Variants in TMEM131L observed in about 807,000 individuals in gnomAD.
The protein encoded by TMEM131L is transmembrane 131 like.
TMEM131L carries 54 observed loss-of-function variants against 192.2 expected under a neutral mutation model. That is an observed-to-expected ratio of 0.28 (90% CI 0.23 to 0.35). The LOEUF is 0.35. Among genes scored for constraint, TMEM131L ranks in the 10% least tolerant of loss-of-function variants. The pLI is 1.00. For missense variants in TMEM131L, 1,888 were observed against 1,972.9 expected (o/e 0.96, Z 0.82); for synonymous variants, 701 against 704.9 (o/e 0.99, Z 0.09).
At chr4:153,547,703 C>T (rs1189866891) in intron 3 of TMEM131L, among the ~76,000 whole-genome samples, 1 of 152,230 alleles carries the variant, frequency 6.6e-6, no homozygotes, top group Admixed American at 6.5e-5. Flanking sequence ...CTCTGCTTCC[C>T]AAGCCGTCAT....
intron 7 of TMEM131L, among the ~76,000 whole-genome samples, chr4:153,577,404 A>G (rs11099888): frequency 0.13 from 20,414 of 152,128 alleles, 3,896 homozygotes; most frequent in African/African-American, 0.42. Flanking sequence ...AGGGAGACTA[A>G]GAGGAAGTTA....
rs1730878268 is a variant in TMEM131L, at chr4:153,588,894, T to A, written c.1557T>A (p.Asn519Lys). 2 of 1,532,002 alleles carry A rather than the reference T, an allele frequency of 1.3e-6. No homozygotes were observed. The highest frequency in any genetic ancestry group is 1.8e-6 in the Non-Finnish European group (2 of 1,105,948). 94.9% of individuals were successfully genotyped at this position (1,532,002 alleles called of 1,614,324 possible). Residue 519 changes from asparagine to lysine, a missense_variant, in exon 16 of 35, where the codon AAT (asparagine) becomes AAA (lysine). Coordinates refer to ENST00000409959, the MANE Select transcript of TMEM131L (RefSeq NM_001131007.2). ...GGAATCTGATCTAACTTTTAGGAAATCCTAATTGGAATGGGAGCCTTTCTC... is the reference window on the plus strand; with the variant it reads ...GGAATCTGATCTAACTTTTAGGAAAACCTAATTGGAATGGGAGCCTTTCTC... ...HYFMGKSKAG[N>K]PNWNGSLSLD...
rs372236754 is a variant in TMEM131L at position 153,492,662 on chromosome 4, G to T, written c.239+18774G>T. 3.9e-5 allele frequency among the ~76,000 whole-genome samples: 6 copies of T among 152,226 alleles called. No individual in the cohort carries two copies. The East Asian group carries it at 9.6e-4, about 24-fold the overall frequency. ...AACTAGTAGGTTATAAACACAGTCTGTGCTCTGAAGGAATGTATATAGTTT... is the reference window on the plus strand; with the variant it reads ...AACTAGTAGGTTATAAACACAGTCTTTGCTCTGAAGGAATGTATATAGTTT... On this transcript the variant is annotated intron_variant, in intron 3 of 34. Transcript: ENST00000409959.
At chr4:153,634,922 A>G (rs779547851) in intron 33 of TMEM131L, among the ~76,000 whole-genome samples, 1 of 152,224 alleles carries the variant, frequency 6.6e-6, no homozygotes, top group African/African-American at 2.4e-5. Context: ...ATTTTGATAC[A>G]TGCATTGCTC....
intron 3 of TMEM131L, among the ~76,000 whole-genome samples, chr4:153,491,048 C>T (rs1421013410): frequency 2.0e-5 from 3 of 151,812 alleles, no homozygotes; most frequent in Admixed American, 6.6e-5. Flanking sequence ...AGGTATTGTC[C>T]GTGTCGAAGT....
At chr4:153,507,556 A>T (rs1734073682) in intron 3 of TMEM131L, among the ~76,000 whole-genome samples, 1 of 152,186 alleles carries the variant, frequency 6.6e-6, no homozygotes, top group African/African-American at 2.4e-5. Flanking sequence ...GTGAGTCCTC[A>T]TGTCCCAAAA....
At position 153,473,863 on chromosome 4, in the gene TMEM131L, C is replaced by T; in HGVS notation, c.214C>T (p.Leu72=). 6.5e-7 allele frequency: 1 copy of T among 1,545,774 alleles called. No individual in the cohort carries two copies. The highest frequency in any genetic ancestry group is 1.2e-5 in the South Asian group (1 of 82,556). Residue 72 remains leucine (L), a synonymous_variant, in exon 3 of 35, where the codon CTG becomes TTG. Transcript: ENST00000409959. ...TCAATAGGGTGATTCTGAAGAGGGTCTGGAGGAGCCTTCTCAAGAACAGAG... is the reference window on the plus strand; with the variant it reads ...TCAATAGGGTGATTCTGAAGAGGGTTTGGAGGAGCCTTCTCAAGAACAGAG... ...LPTQGDSEEG[L]EEPSQEQSFS...
Position 153,621,868 on chromosome 4 carries a change from C to T in TMEM131L, c.3859+19C>T. ...GAGGCAGGTATGTAATGATACTGAG[C>T]TACAAATGGTGCTTCTGTGGGAATT... On this transcript the variant is annotated intron_variant, in intron 28 of 34. Coordinates refer to ENST00000409959, the MANE Select transcript of TMEM131L (RefSeq NM_001131007.2). The T allele has an allele frequency of 6.2e-7, 1 of 1,610,270 alleles. No homozygotes were observed. Among genetic ancestry groups the T allele is most frequent in the Non-Finnish European group, 8.5e-7 (1 of 1,177,562 alleles).
intron 3 of TMEM131L, among the ~76,000 whole-genome samples, chr4:153,493,857 C>T (rs988503951): frequency 6.6e-6 from 1 of 152,162 alleles, no homozygotes; most frequent in African/African-American, 2.4e-5. Context: ...CATTTAAAAG[C>T]CTTGCATGTA....
intron 25 of TMEM131L, among the ~76,000 whole-genome samples, chr4:153,607,497 C>T (rs1250564663): frequency 1.3e-5 from 2 of 152,128 alleles, no homozygotes; most frequent in Non-Finnish European, 2.9e-5. Flanking sequence ...AGTTAGGATT[C>T]CAGCAGAATG....
chr4:153,543,099 T>C (rs1736916384), intron 3 of TMEM131L, among the ~76,000 whole-genome samples: 1 of 152,224 alleles, frequency 6.6e-6, no homozygotes, highest in Non-Finnish European at 1.5e-5. Flanking sequence ...TCTTTTGGTT[T>C]AATAATTGCT....
intron 25 of TMEM131L, among the ~76,000 whole-genome samples, chr4:153,606,326 C>A (rs536805646): frequency 4.9e-4 from 75 of 152,286 alleles, no homozygotes; most frequent in African/African-American, 1.8e-3. Context: ...ATCCTCCCTC[C>A]AGAAGTGCTT....
intron 3 of TMEM131L, among the ~76,000 whole-genome samples, chr4:153,493,124 G>T (rs186295462): frequency 4.9e-4 from 73 of 147,700 alleles, no homozygotes; most frequent in Middle Eastern, 3.7e-3. Flanking sequence ...AGGCAGGTGG[G>T]TCACAAGGTC....
chr4:153,502,740 G>A (rs1733703146), intron 3 of TMEM131L, among the ~76,000 whole-genome samples: 1 of 152,204 alleles, frequency 6.6e-6, no homozygotes, highest in African/African-American at 2.4e-5. Context: ...CATGCAGATT[G>A]CTTTGAGTAT....
chr4:153,552,415 A>G (rs752425888), intron 4 of TMEM131L, among the ~76,000 whole-genome samples: 1 of 152,150 alleles, frequency 6.6e-6, no homozygotes, highest in Non-Finnish European at 1.5e-5. Context: ...ACATGGGGGT[A>G]TGTTTACAGT....
Position 153,632,826 on chromosome 4 carries a change from C to G in TMEM131L, c.4316C>G (p.Pro1439Arg), listed in dbSNP as rs200100527. Residue 1439 changes from proline to arginine, a missense_variant, in exon 32 of 35, where the codon CCG becomes CGG. Transcript: ENST00000409959. ...GVPCVIQESA[P>R]VHNSFIDWSA... ...CCTTGTGTGATTCAGGAGTCGGCCC[C>G]GGTTCATAATAGGTACAGCTTCACT... is the stretch of plus-strand genomic sequence containing the variant. The G allele has an allele frequency of 6.2e-6, 10 of 1,614,060 alleles. No homozygotes were observed. In the East Asian group the frequency reaches 2.0e-4, roughly 32 times the overall value.
intron 3 of TMEM131L, among the ~76,000 whole-genome samples, chr4:153,515,990 C>T (rs1734702439): frequency 6.6e-6 from 1 of 151,800 alleles, no homozygotes. Context: ...CTTGACCTCA[C>T]ACAGCGTTGG....
intron 3 of TMEM131L, among the ~76,000 whole-genome samples, chr4:153,521,569 G>A (rs1735114057): frequency 6.6e-6 from 1 of 152,158 alleles, no homozygotes; most frequent in Non-Finnish European, 1.5e-5. Flanking sequence ...TAAGTGTACA[G>A]TTGAGTGGCG....
chr4:153,569,935 A>G (rs1272102773), intron 7 of TMEM131L, among the ~76,000 whole-genome samples: 1 of 152,240 alleles, frequency 6.6e-6, no homozygotes, highest in African/African-American at 2.4e-5. Flanking sequence ...AGGCTATGGT[A>G]GTGTATCCAG....
Sources: allele counts gnomAD v4.1 joint callset (sites outside exome capture counted in the v4.1 genomes callset), GRCh38; gene constraint gnomAD v4.1.1; transcripts MANE v1.5; gene names NCBI Gene and HGNC (gene_info 2026-07-23, HGNC 2026-07-21).